The following HDAC8 variants were observed in gnomAD, a reference collection of about 807,000 sequenced individuals.
HDAC8 encodes histone deacetylase-like 1.
A neutral mutation model predicts 32.2 loss-of-function variants in HDAC8; 1 was observed. That is an observed-to-expected ratio of 0.03 (90% CI 0.01 to 0.15). The LOEUF (loss-of-function observed/expected upper bound fraction) is 0.15, where lower values mean the gene tolerates loss of function less well. Ranked by LOEUF, HDAC8 falls within the 10% of genes least tolerant of loss-of-function variation. HDAC8 has a pLI of 1.00. For synonymous variants in HDAC8, 108 were observed against 113.9 expected, an observed-to-expected ratio of 0.95 and a Z score of 0.33; for missense variants, 117 against 300.0, an observed-to-expected ratio of 0.39 and a Z score of 4.51.
chrX:72,368,439 C>T (rs1020778658), intron 9 of HDAC8, among the ~76,000 whole-genome samples: 2 of 108,163 alleles, frequency 1.8e-5, no homozygotes, highest in Non-Finnish European at 3.8e-5. Context: ...TCACTGCAAC[C>T]TCTGACTCCC....
At chrX:72,527,799 G>A (rs1215226289) in intron 4 of HDAC8, among the ~76,000 whole-genome samples, 1 of 97,334 alleles carries the variant, frequency 1.0e-5, no homozygotes, top group Non-Finnish European at 2.1e-5. Context: ...TTTTGAGATG[G>A]AGTTTTGCTC....
At chrX:72,512,423 C>T (rs1346989047) in intron 4 of HDAC8, among the ~76,000 whole-genome samples, 1 of 111,619 alleles carries the variant, frequency 9.0e-6, no homozygotes, top group Non-Finnish European at 1.9e-5. Flanking sequence ...AAGACTAATA[C>T]ACATTTTTAA....
chrX:72,512,778 C>A (rs1418068424), intron 4 of HDAC8, among the ~76,000 whole-genome samples: 2 of 110,965 alleles, frequency 1.8e-5, no homozygotes, highest in African/African-American at 6.6e-5. Context: ...AAAGCACAAC[C>A]CTGACAATAT....
chrX:72,329,904 T>TG lies in HDAC8; in HGVS notation c.*149dup. 1.3e-6 allele frequency: 1 copy of TG among 780,014 alleles called. No individual in the cohort carries two copies. The highest frequency in any genetic ancestry group is 2.8e-5 in the Admixed American group (1 of 35,253). The allele number at this position is 780,014 out of a possible 1,213,427, so 64.3% of individuals were successfully genotyped here. On this transcript the variant is annotated 3_prime_UTR_variant, in exon 11 of 11. Transcript: ENST00000373573. ...TGCCTCTTCACCCCAGGAAGCCAGCTGCCACTTGATGCCCCTTGGAAATTT... is the reference window on the plus strand; with the variant it reads ...TGCCTCTTCACCCCAGGAAGCCAGCTGGCCACTTGATGCCCCTTGGAAATTT...
chrX:72,391,417 A>G (rs1555963764), intron 9 of HDAC8, among the ~76,000 whole-genome samples: 1 of 112,379 alleles, frequency 8.9e-6, no homozygotes, highest in Non-Finnish European at 1.9e-5. Flanking sequence ...TTATAAATGG[A>G]AAGAGATAGG....
intron 9 of HDAC8, among the ~76,000 whole-genome samples, chrX:72,377,690 G>A (rs3012654): frequency 0.017 from 1,857 of 111,528 alleles, 32 homozygotes; most frequent in African/African-American, 0.058. Flanking sequence ...TCCAACCTAC[G>A]TGTGCCTTTG....
chrX:72,346,518 C>T (rs1376346455), intron 10 of HDAC8, among the ~76,000 whole-genome samples: 1 of 112,114 alleles, frequency 8.9e-6, no homozygotes, highest in Non-Finnish European at 1.9e-5. Context: ...GGATGCCAAT[C>T]CCGGATGTCA....
chrX:72,352,311 C>T (rs1305513229), intron 9 of HDAC8, among the ~76,000 whole-genome samples: 1 of 111,789 alleles, frequency 8.9e-6, no homozygotes, highest in African/African-American at 3.3e-5. Context: ...AAAGCTGTCC[C>T]TCCTTCTCCA....
At chrX:72,493,191 CCATGTCATGAATAGTGAGA>C (rs2048920778) in intron 5 of HDAC8, among the ~76,000 whole-genome samples, 1 of 110,889 alleles carries the variant, frequency 9.0e-6, no homozygotes, top group Non-Finnish European at 1.9e-5. Context: ...GAATACTGAG[CCATGTCATGAATAGTGAGA>C]CATGTCATGA....
chrX:72,552,626 A>C (rs2051118825), intron 4 of HDAC8, among the ~76,000 whole-genome samples: 1 of 108,687 alleles, frequency 9.2e-6, no homozygotes, highest in Admixed American at 9.9e-5. Flanking sequence ...AAAAAAAAAA[A>C]AAATTTAGCT....
At chrX:72,491,082 G>A in intron 5 of HDAC8, 76 bp from the exon 6 acceptor site, 1 of 730,296 alleles carries the variant, frequency 1.4e-6, no homozygotes, top group Admixed American at 2.3e-5. Flanking sequence ...AATCTAGAAA[G>A]CAGCTGTGAG....
At chrX:72,362,143 G>A (rs1198474426) in intron 9 of HDAC8, among the ~76,000 whole-genome samples, 2 of 111,537 alleles carry the variant, frequency 1.8e-5, no homozygotes, top group East Asian at 2.8e-4. Flanking sequence ...TGGAGGTGGG[G>A]CCTGGTGGGA....
chrX:72,479,519 A>G (rs1556002116), intron 7 of HDAC8, among the ~76,000 whole-genome samples: 1 of 112,025 alleles, frequency 8.9e-6, no homozygotes, highest in African/African-American at 3.2e-5. Context: ...CTGCCAAAGA[A>G]TCAGGTCACT....
At chrX:72,463,718 G>C (rs7877318) in intron 8 of HDAC8, among the ~76,000 whole-genome samples, 1,931 of 111,913 alleles carry the variant, frequency 0.017, 43 homozygotes, top group African/African-American at 0.058. Flanking sequence ...GTGTACTTGT[G>C]TTGAATGCCC....
At chrX:72,351,346 C>T (rs1008092647) in intron 10 of HDAC8, 10 of 179,610 alleles carry the variant, frequency 5.6e-5, no homozygotes, top group African/African-American at 2.1e-4. Context: ...GCAATCCTCC[C>T]GCCTCAGCCA....
chrX:72,564,323 A>G (rs1208582834), intron 4 of HDAC8, among the ~76,000 whole-genome samples: 2 of 112,490 alleles, frequency 1.8e-5, no homozygotes, highest in Non-Finnish European at 3.7e-5. Flanking sequence ...GGAGTGGGTT[A>G]GATAATACAA....
intron 9 of HDAC8, among the ~76,000 whole-genome samples, chrX:72,394,099 C>A (rs1340629802): frequency 9.0e-6 from 1 of 111,565 alleles, no homozygotes; most frequent in Non-Finnish European, 1.9e-5. Context: ...CATCAGATAT[C>A]TGACATCAGA....
chrX:72,335,541 G>T (rs1205687200), intron 10 of HDAC8, among the ~76,000 whole-genome samples: 1 of 111,929 alleles, frequency 8.9e-6, no homozygotes, highest in Middle Eastern at 4.2e-3. Flanking sequence ...TGTACAACGG[G>T]TTTATCCATT....
chrX:72,481,256 C>T (rs781836172), intron 7 of HDAC8, among the ~76,000 whole-genome samples: 3 of 110,503 alleles, frequency 2.7e-5, no homozygotes, highest in Non-Finnish European at 5.7e-5. Context: ...ATCATGAGAA[C>T]AGCATGAGGG....
Sources: allele counts gnomAD v4.1 joint callset (sites outside exome capture counted in the v4.1 genomes callset), GRCh38; gene constraint gnomAD v4.1.1; transcripts MANE v1.5; gene names NCBI Gene and HGNC (gene_info 2026-07-23, HGNC 2026-07-21).